B3GALT1: variants seen among roughly 807,000 people sequenced by gnomAD.
The protein encoded by B3GALT1 is UDP-Gal:betaGlcNAc beta 1,3-galactosyltransferase, polypeptide 1.
A neutral mutation model predicts 23.2 loss-of-function variants in B3GALT1; 10 were observed. That is an observed-to-expected ratio of 0.43 (90% CI 0.27 to 0.73). The LOEUF is 0.73. Ranked by LOEUF, B3GALT1 falls within the 30% of genes least tolerant of loss-of-function variation. The probability of loss-of-function intolerance (pLI) is 0.21; values close to 1 mark genes in which losing one functional copy is unlikely to be tolerated. For synonymous variants in B3GALT1, 156 were observed against 141.5 expected (o/e 1.10, Z -0.73); for missense variants, 299 against 405.4 (o/e 0.74, Z 2.25).
Position 167,369,061 on chromosome 2 carries a change from TTGTGTGTGTGTG to T in B3GALT1, c.-511+75763_-511+75774del, listed in dbSNP as rs60938716. Among the ~76,000 whole-genome samples, 14 of 147,578 alleles carry T rather than the reference TTGTGTGTGTGTG, an allele frequency of 9.5e-5. 1 individual carries two copies. The highest frequency in any genetic ancestry group is 3.1e-4 in the African/African-American group (12 of 39,214). ...TGTATTGGGAAGATAAAACTCTTAT[TTGTGTGTGTGTG>T]TGTGTGTGTGTGTGTGTGTGTGTGT... On this transcript the variant is annotated intron_variant, in intron 1 of 4. Transcript: ENST00000392690.
chr2:167,821,852 T>A (rs1689114219), intron 4 of B3GALT1, among the ~76,000 whole-genome samples: 1 of 152,224 alleles, frequency 6.6e-6, no homozygotes, highest in Non-Finnish European at 1.5e-5. Context: ...TTACAGTCAT[T>A]CTTGTACAGT....
intron 3 of B3GALT1, among the ~76,000 whole-genome samples, chr2:167,801,794 G>C (rs1367650660): frequency 6.6e-6 from 1 of 152,178 alleles, no homozygotes; most frequent in South Asian, 2.1e-4. Flanking sequence ...CATTTGTGGG[G>C]AAAGAATTTC....
intron 1 of B3GALT1, among the ~76,000 whole-genome samples, chr2:167,296,325 G>A (rs1334887425): frequency 3.9e-5 from 6 of 152,202 alleles, no homozygotes; most frequent in Admixed American, 6.5e-5. Flanking sequence ...GTGTTTGTAC[G>A]TGAATAGGTA....
intron 2 of B3GALT1, among the ~76,000 whole-genome samples, chr2:167,513,029 G>A (rs2105356108): frequency 7.7e-6 from 1 of 130,192 alleles, no homozygotes; most frequent in East Asian, 2.2e-4. Context: ...ATTGCTGTTT[G>A]ACAGAATTCA....
intron 2 of B3GALT1, among the ~76,000 whole-genome samples, chr2:167,502,897 G>A (rs2105349202): frequency 6.6e-6 from 1 of 152,130 alleles, no homozygotes; most frequent in East Asian, 1.9e-4. Flanking sequence ...AAATTAGCTG[G>A]GCATGGTGGC....
intron 2 of B3GALT1, among the ~76,000 whole-genome samples, chr2:167,542,226 A>G (rs1393779063): frequency 6.6e-6 from 1 of 152,070 alleles, no homozygotes; most frequent in Admixed American, 6.5e-5. Flanking sequence ...TTCATAATTT[A>G]TAGATGTTCT....
At chr2:167,739,053 A>G (rs1248859569) in intron 3 of B3GALT1, among the ~76,000 whole-genome samples, 2 of 152,172 alleles carry the variant, frequency 1.3e-5, no homozygotes, top group African/African-American at 4.8e-5. Flanking sequence ...ATTCCAGTAC[A>G]TATTCCATTC....
chr2:167,441,666 CA>C (rs1177027337), intron 1 of B3GALT1, among the ~76,000 whole-genome samples: 1 of 152,006 alleles, frequency 6.6e-6, no homozygotes, highest in Non-Finnish European at 1.5e-5. Context: ...TTAAGAAGAA[CA>C]AATATATTCA....
chr2:167,294,557 T>C (rs1394461201), intron 1 of B3GALT1, among the ~76,000 whole-genome samples: 3 of 152,208 alleles, frequency 2.0e-5, no homozygotes, highest in African/African-American at 7.2e-5. Flanking sequence ...AACTTACTCT[T>C]GGCGATTGTT....
Position 167,293,028 on chromosome 2 carries a change from G to A in B3GALT1, c.-817G>A, listed in dbSNP as rs1447387542. ...AGCCATCGCCGGGGAAGCGCAGCCG[G>A]GCTCGGGTGCTTCGGCTGCCGCCGC... On this transcript the variant is annotated 5_prime_UTR_variant, in exon 1 of 5. Transcript: ENST00000392690. The A allele has an allele frequency of 4.6e-5, 7 of 151,998 alleles. No individual in the cohort carries two copies. Among genetic ancestry groups the A allele is most frequent in the Non-Finnish European group, 2.9e-5 (2 of 67,942 alleles). The allele number at this position is 151,998 out of a possible 1,614,324, so 9.4% of individuals were successfully genotyped here. A position where few individuals can be genotyped will look rare whatever the true frequency, so the allele number is the denominator to read the frequency against.
intron 4 of B3GALT1, among the ~76,000 whole-genome samples, chr2:167,845,069 C>T (rs1447217248): frequency 6.6e-6 from 1 of 152,118 alleles, no homozygotes; most frequent in Non-Finnish European, 1.5e-5. Flanking sequence ...ACCCCCATCC[C>T]CCACAGCAGC....
chr2:167,601,602 A>G (rs1039172792), intron 2 of B3GALT1, among the ~76,000 whole-genome samples: 2 of 152,192 alleles, frequency 1.3e-5, no homozygotes, highest in African/African-American at 4.8e-5. Context: ...GATAAATATT[A>G]TTATCCCATT....
intron 2 of B3GALT1, among the ~76,000 whole-genome samples, chr2:167,510,484 T>C (rs1259731261): frequency 6.7e-6 from 1 of 149,786 alleles, no homozygotes; most frequent in Admixed American, 6.7e-5. Context: ...ATTCCATAGA[T>C]AAGAACTCCC....
At chr2:167,633,079 A>T (rs1457821405) in intron 2 of B3GALT1, among the ~76,000 whole-genome samples, 1 of 151,824 alleles carries the variant, frequency 6.6e-6, no homozygotes, top group African/African-American at 2.4e-5. Context: ...TTTGAAAATG[A>T]TGGAGAGAAT....
chr2:167,482,478 T>C (rs1462893756), intron 1 of B3GALT1, among the ~76,000 whole-genome samples: 2 of 152,206 alleles, frequency 1.3e-5, no homozygotes, highest in African/African-American at 2.4e-5. Flanking sequence ...ATTTGAAATA[T>C]ACATTGTTCA....
chr2:167,638,564 CT>C, intron 2 of B3GALT1, among the ~76,000 whole-genome samples: 1 of 152,094 alleles, frequency 6.6e-6, no homozygotes, highest in Non-Finnish European at 1.5e-5. Context: ...AAGGAATGAT[CT>C]GGTTGTTAGA....
chr2:167,482,055 T>A (rs1447220253), intron 1 of B3GALT1, among the ~76,000 whole-genome samples: 2 of 152,220 alleles, frequency 1.3e-5, no homozygotes, highest in African/African-American at 4.8e-5. Context: ...TACAGTTAGC[T>A]GTAGAAGGGT....
intron 1 of B3GALT1, among the ~76,000 whole-genome samples, chr2:167,308,076 C>T (rs1696577094): frequency 6.6e-6 from 1 of 151,936 alleles, no homozygotes; most frequent in African/African-American, 2.4e-5. Context: ...TGGAATGTTA[C>T]TGTGTGTTAG....
intron 1 of B3GALT1, among the ~76,000 whole-genome samples, chr2:167,306,442 T>C (rs1026162258): frequency 1.3e-5 from 2 of 152,050 alleles, no homozygotes; most frequent in African/African-American, 4.8e-5. Flanking sequence ...CTCTTTATTT[T>C]TATGTCCAGT....
Sources: gnomAD v4.1 joint callset for allele counts (sites outside exome capture counted in the v4.1 genomes callset) on GRCh38, gnomAD v4.1.1 for gene constraint, MANE v1.5 for transcripts, NCBI Gene and HGNC (gene_info 2026-07-23, HGNC 2026-07-21) for gene names.